PIAS3: variants seen among roughly 807,000 people sequenced by gnomAD.
The protein encoded by PIAS3 is protein inhibitor of activated STAT 3.
PIAS3 carries 34 observed loss-of-function variants against 67.6 expected under a neutral mutation model. The ratio of observed to expected loss-of-function variants is 0.50; its 90% CI spans 0.38 to 0.67. The LOEUF is 0.67. PIAS3 is among the 30% of genes least tolerant of loss of function. The pLI is 0.00. For missense variants in PIAS3, 693 were observed against 791.6 expected (o/e 0.88, Z 1.49); for synonymous variants, 341 against 313.8 (o/e 1.09, Z -0.92).
At position 145,856,916 on chromosome 1, in the gene PIAS3, C is replaced by T. The variant is rs1653213736; in HGVS notation, c.115G>A (p.Ala39Thr). The change falls in exon 2 of 14, where the codon GCC (alanine) becomes ACC (threonine). Residue 39 changes from alanine to threonine, a missense_variant. Physicochemically the swap from Ala to Thr is moderately conservative, Grantham distance 58 (BLOSUM62 0). This residue lies in a region of PIAS3 where 308 missense variants were observed against 348.8 expected (regional missense o/e 0.88). Transcript: ENST00000393045. ...GACTTCAGGAGGTGCAGAGCCTTGG[C>T]CAGGAGCTCGTGCTTCCGTCCACTC... ...NKSGRKHELL[A>T]KALHLLKSSC... 4 of 1,614,154 alleles carry T rather than the reference C, an allele frequency of 2.5e-6. No homozygotes were observed. The highest frequency in any genetic ancestry group is 3.4e-6 in the Non-Finnish European group (4 of 1,179,986).
intron 9 of PIAS3, 44 bp downstream of exon 9, chr1:145,853,460 G>GTTC: frequency 7.3e-7 from 1 of 1,378,686 alleles, no homozygotes; most frequent in Non-Finnish European, 1.0e-6. Context: ...AAGAAAAGAG[G>GTTC]TTCTAGTGGA....
At chr1:145,850,669 C>T in intron 11 of PIAS3, 83 bp from the exon 12 acceptor site, 1 of 1,595,778 alleles carries the variant, frequency 6.3e-7, no homozygotes, top group South Asian at 1.1e-5. Flanking sequence ...CTCTCTGTCC[C>T]CTCCACATTT....
chr1:145,854,467 G>C lies in PIAS3; in HGVS notation c.901C>G (p.Arg301Gly), dbSNP rs201676296. The C allele has an allele frequency of 1.2e-6, 2 of 1,610,628 alleles. No homozygotes were observed. The highest frequency in any genetic ancestry group is 8.5e-7 in the Non-Finnish European group (1 of 1,176,822). Residue 301 changes from arginine (R) to glycine (G), a missense_variant, in exon 7 of 14, where the codon CGG (arginine) becomes GGG (glycine). Arg to Gly is a moderately radical substitution (Grantham distance 125). This residue lies in a region of PIAS3 where 115 missense variants were observed against 181.8 expected (regional missense o/e 0.63). Coordinates refer to ENST00000393045, the MANE Select transcript of PIAS3 (RefSeq NM_006099.3). ...GAAAGATGTTACTCACTCAGTGCCCGCGAGTGGTCTGGGTTCCGGATACCC... is the reference window on the plus strand; with the variant it reads ...GAAAGATGTTACTCACTCAGTGCCCCCGAGTGGTCTGGGTTCCGGATACCC... ...AKGIRNPDHS[R>G]ALIKEKLTAD...
intron 7 of PIAS3, 51 bp from the exon 8 acceptor site, chr1:145,853,937 C>A (rs1553734938): frequency 1.3e-6 from 2 of 1,548,894 alleles, no homozygotes; most frequent in Admixed American, 3.3e-5. Context: ...CTGGAGGAAG[C>A]CCAGGAGTTG....
chr1:145,853,687 G>T, intron 8 of PIAS3, 23 bp from the exon 9 acceptor site: 1 of 1,612,450 alleles, frequency 6.2e-7, no homozygotes, highest in Non-Finnish European at 8.5e-7. Context: ...AAGTTCTCTT[G>T]TCAGAGGCCC....
In PIAS3 at chr1:145,850,886, CCTT is replaced by C. The variant is rs782304397; in HGVS notation, c.1330_1332del (p.Lys444del). 5.0e-6 allele frequency: 8 copies of C among 1,614,196 alleles called. No homozygotes were observed. The highest frequency in any genetic ancestry group is 5.9e-6 in the Non-Finnish European group (7 of 1,180,028). ...TCTATTGTCAAGTCAATAACTTCGACCTTCTTCTTATTCTCTGATGGATCTCCC... is the reference window on the plus strand; with the variant it reads ...TCTATTGTCAAGTCAATAACTTCGACCTTCTTATTCTCTGATGGATCTCCC... On this transcript the variant is annotated inframe_deletion, in exon 11 of 14. Transcript: ENST00000393045.
At chr1:145,858,130 G>T (rs891675440) in intron 1 of PIAS3, among the ~76,000 whole-genome samples, 1 of 152,122 alleles carries the variant, frequency 6.6e-6, no homozygotes, top group African/African-American at 2.4e-5. Flanking sequence ...CTCCTTAGAA[G>T]ACTCCCTTCT....
rs200547846 is a variant in PIAS3 at position 145,849,534 on chromosome 1, C to G, written c.1799G>C (p.Gly600Ala). ...TCCATGCCCCTCCCTCAAGGCCCCC[C>G]CAGGGGCCACAATGCTGCTGACACG... The part of the protein sequence containing the change: ...PGRVSSIVAP[G>A]GALREGHGGP... The change falls in exon 14 of 14, where the codon GGG becomes GCG. Residue 600 changes from glycine to alanine, a missense_variant. Physicochemically the swap from Gly to Ala is moderately conservative, Grantham distance 60 (BLOSUM62 0). This residue lies in a region of PIAS3 where 270 missense variants were observed against 261.0 expected (regional missense o/e 1.03). Coordinates refer to ENST00000393045, the MANE Select transcript of PIAS3 (RefSeq NM_006099.3). The G allele has an allele frequency of 9.4e-6, 15 of 1,591,432 alleles. No individual in the cohort carries two copies. In the Admixed American group the frequency reaches 2.2e-4, roughly 23 times the overall value.
Position 145,853,581 on chromosome 1 carries a change from C to G in PIAS3, c.1068G>C (p.Gln356His), listed in dbSNP as rs1553734818. Residue 356 changes from glutamine to histidine, a missense_variant, in exon 9 of 14, where the codon CAG (glutamine) becomes CAC (histidine). Coordinates refer to ENST00000393045, the MANE Select transcript of PIAS3 (RefSeq NM_006099.3). The part of the protein sequence containing the change: ...LQSFDAALYL[Q>H]MNEKKPTWTC... ...TCCATGTAGGCTTCTTCTCATTCAT[C>G]TGTAGATAAAGGGCAGCATCGAAGC... The G allele has an allele frequency of 1.2e-6, 2 of 1,614,074 alleles. No homozygotes were observed. Among genetic ancestry groups the G allele is most frequent in the Admixed American group, 1.7e-5 (1 of 60,018 alleles).
chr1:145,853,666 TGAG>T lies in PIAS3; in HGVS notation c.985-5_985-3del, dbSNP rs782623140. On this transcript the variant is annotated splice_polypyrimidine_tract_variant and splice_region_variant and intron_variant, in intron 8 of 13. Coordinates refer to ENST00000393045, the MANE Select transcript of PIAS3 (RefSeq NM_006099.3). ...GACAGTCAGGCGCATCTTCCCTAGCTGAGGAGAAGCAAGTTCTCTTGTCAGAGG... is the reference window on the plus strand; with the variant it reads ...GACAGTCAGGCGCATCTTCCCTAGCTGAGAAGCAAGTTCTCTTGTCAGAGG... The T allele has an allele frequency of 6.2e-7, 1 of 1,613,546 alleles. No individual in the cohort carries two copies. The highest frequency in any genetic ancestry group is 1.7e-5 in the Admixed American group (1 of 59,924).
At position 145,853,555 on chromosome 1, in the gene PIAS3, G is replaced by A. The variant is rs1204233389; in HGVS notation, c.1094C>T (p.Thr365Ile). The A allele has an allele frequency of 1.2e-6, 2 of 1,613,994 alleles. No homozygotes were observed. The highest frequency in any genetic ancestry group is 2.7e-5 in the African/African-American group (2 of 74,914). The change falls in exon 9 of 14, where the codon ACA (threonine) becomes ATA (isoleucine). Residue 365 changes from threonine to isoleucine, a missense_variant. Thr to Ile is a moderately conservative substitution (Grantham distance 89, BLOSUM62 -1). Transcript: ENST00000393045. The stretch of plus-strand genomic sequence containing the variant: ...AGCCTTCTTGTCACACACAGGACAT[G>A]TCCATGTAGGCTTCTTCTCATTCAT... ...LQMNEKKPTW[T>I]CPVCDKKAPY...
In PIAS3 at chr1:145,850,260, A is replaced by G. The variant is rs201321359; in HGVS notation, c.1592T>C (p.Leu531Ser). ...ACTCTCTGTCTGAAGAAATGAAAAT[A>G]AATCTAAACCTGGCAGGAAAAGAAA... ...PLGADIQGLD[L>S]FSFLQTESQH... The change falls in exon 13 of 14, where the codon TTA (leucine) becomes TCA (serine). Residue 531 changes from leucine (L) to serine (S), a missense_variant. This residue lies in a region of PIAS3 where 270 missense variants were observed against 261.0 expected (regional missense o/e 1.03). Coordinates refer to ENST00000393045, the MANE Select transcript of PIAS3 (RefSeq NM_006099.3). The G allele has an allele frequency of 6.2e-6, 10 of 1,614,258 alleles. No homozygotes were observed. Among genetic ancestry groups the G allele is most frequent in the East Asian group, 2.2e-5 (1 of 44,892 alleles).
Position 145,856,856 on chromosome 1 carries a change from C to G in PIAS3, c.175G>C (p.Glu59Gln). 1.2e-6 allele frequency: 2 copies of G among 1,614,118 alleles called. No homozygotes were observed. The highest frequency in any genetic ancestry group is 2.2e-5 in the South Asian group (2 of 91,078). ...CGGGGAAAGCGTCGTCGGTAAAGCT[C>G]TTTGATCTTCATCTGGACACTAGGG... Reference protein sequence around the residue: ...CAPSVQMKIKELYRRRFPRKT... With the variant: ...CAPSVQMKIKQLYRRRFPRKT... Residue 59 changes from glutamate (E) to glutamine (Q), a missense_variant, in exon 2 of 14, where the codon GAG (glutamate) becomes CAG (glutamine). Coordinates refer to ENST00000393045, the MANE Select transcript of PIAS3 (RefSeq NM_006099.3).
At position 145,858,999 on chromosome 1, in the gene PIAS3, A is replaced by T; in HGVS notation, c.-9T>A. ...TCGCCCAGCTCCGCCATCTTGAGAC[A>T]TCGCAGGCGCCCCAGCCGGAGCCGG... On this transcript the variant is annotated 5_prime_UTR_variant, in exon 1 of 14. An upstream start codon of the reference 5' UTR is lost. Coordinates refer to ENST00000393045, the MANE Select transcript of PIAS3 (RefSeq NM_006099.3). 6.5e-7 allele frequency: 1 copy of T among 1,544,224 alleles called. No homozygotes were observed.
intron 7 of PIAS3, 88 bp downstream of exon 7, chr1:145,854,370 A>C: frequency 3.3e-6 from 3 of 899,054 alleles, no homozygotes; most frequent in Non-Finnish European, 5.5e-6. Flanking sequence ...GTTGTCAAAA[A>C]AGAGGTATGG....
At chr1:145,854,296 A>G in intron 7 of PIAS3, 162 bp downstream of exon 7, 1 of 620,254 alleles carries the variant, frequency 1.6e-6, no homozygotes, top group Admixed American at 2.8e-5. Flanking sequence ...CTTCAACTAT[A>G]AAGACTGGAA....
At chr1:145,854,142 G>C (rs1052051585) in intron 7 of PIAS3, 3 of 595,344 alleles carry the variant, frequency 5.0e-6, no homozygotes, top group African/African-American at 1.9e-5. Context: ...AGGAGTTGAA[G>C]CATCATGTGA....
rs1570778423 is a variant in PIAS3, at chr1:145,856,087, T to G, written c.559A>C (p.Thr187Pro). 1 of 1,613,850 alleles carries G rather than the reference T, an allele frequency of 6.2e-7. No individual in the cohort carries two copies. The highest frequency in any genetic ancestry group is 8.5e-7 in the Non-Finnish European group (1 of 1,179,838). Reference protein sequence around the residue: ...EVLPGAKCDYTIQVQLRFCLC... With the variant: ...EVLPGAKCDYPIQVQLRFCLC... The stretch of plus-strand genomic sequence containing the variant: ...ACTCACCTTAGCTGCACCTGTATGG[T>G]ATAATCACATTTGGCTCCTGGCAGA... Residue 187 changes from threonine to proline, a missense_variant, in exon 4 of 14, where the codon ACC (threonine) becomes CCC (proline). Thr to Pro is a conservative substitution (Grantham distance 38). Transcript: ENST00000393045.
In PIAS3 at chr1:145,856,637, A is replaced by C; in HGVS notation, c.394T>G (p.Leu132Val). Residue 132 changes from leucine to valine, a missense_variant, in exon 2 of 14, where the codon TTG (leucine) becomes GTG (valine). By Grantham distance (32) the Leu-to-Val change is conservative. This residue lies in a region of PIAS3 where 308 missense variants were observed against 348.8 expected (regional missense o/e 0.88). Coordinates refer to ENST00000393045, the MANE Select transcript of PIAS3 (RefSeq NM_006099.3). ...TCCCCATAGACTTCATAGAAGGGCA[A>C]TGGTTTCATGGTGACATCAGGGTGC... ...PVHPDVTMKP[L>V]PFYEVYGELI... The C allele has an allele frequency of 6.3e-7, 1 of 1,578,830 alleles. No homozygotes were observed. The highest frequency in any genetic ancestry group is 1.4e-5 in the African/African-American group (1 of 73,870).
Sources: allele counts gnomAD v4.1 joint callset (sites outside exome capture counted in the v4.1 genomes callset), GRCh38; gene constraint gnomAD v4.1.1; regional missense constraint gnomAD v4.1.1; transcripts MANE v1.5; gene names NCBI Gene and HGNC (gene_info 2026-07-23, HGNC 2026-07-21).